The following DOCK1 variants were observed in gnomAD, a reference collection of about 807,000 sequenced individuals.
DOCK1 encodes dedicator of cytokinesis protein 1.
DOCK1 carries 138 observed loss-of-function variants against 262.7 expected under a neutral mutation model. That is an observed-to-expected ratio of 0.53 (90% CI 0.46 to 0.61). DOCK1 has a LOEUF of 0.61. DOCK1 is among the 20% of genes least tolerant of loss of function. The probability of loss-of-function intolerance (pLI) is 0.00; values close to 1 mark genes in which losing one functional copy is unlikely to be tolerated. For missense variants in DOCK1, 1,908 were observed against 2,370.7 expected (o/e 0.80, Z 4.05); for synonymous variants, 866 against 867.4 (o/e 1.00, Z 0.03).
At chr10:127,421,964 C>T (rs1486627138) in intron 46 of DOCK1, among the ~76,000 whole-genome samples, 1 of 152,102 alleles carries the variant, frequency 6.6e-6, no homozygotes, top group Admixed American at 6.6e-5. Context: ...GCTCAAGTCC[C>T]TGCTTTCAAT....
At chr10:127,009,345 C>T (rs1329497994) in intron 11 of DOCK1, among the ~76,000 whole-genome samples, 1 of 152,066 alleles carries the variant, frequency 6.6e-6, no homozygotes, top group African/African-American at 2.4e-5. Context: ...TTTAAAGAGG[C>T]ACGGAAGCTG....
At chr10:127,023,113 T>C in intron 13 of DOCK1, 87 bp from the exon 14 acceptor site, 2 of 1,409,406 alleles carry the variant, frequency 1.4e-6, no homozygotes, top group Non-Finnish European at 1.9e-6. Flanking sequence ...TAATAATCTA[T>C]GAGGATAGGT....
At chr10:126,921,103 G>A (rs979157724) in intron 1 of DOCK1, among the ~76,000 whole-genome samples, 1 of 151,726 alleles carries the variant, frequency 6.6e-6, no homozygotes, top group Admixed American at 6.6e-5. Flanking sequence ...GGGAGGCTGA[G>A]GCAGGAGAAT....
At chr10:127,361,052 C>A (rs1218430554) in intron 32 of DOCK1, among the ~76,000 whole-genome samples, 1 of 142,580 alleles carries the variant, frequency 7.0e-6, no homozygotes, top group African/African-American at 2.6e-5. Context: ...TTTCTGAGTT[C>A]TTTAAAAATC....
In DOCK1 at chr10:127,175,327, C is replaced by T. The variant is rs368080041; in HGVS notation, c.2847+47563C>T. 9.9e-5 allele frequency: 160 copies of T among 1,613,976 alleles called. No individual in the cohort carries two copies. Among genetic ancestry groups the T allele is most frequent in the Non-Finnish European group, 1.2e-4 (147 of 1,180,030 alleles). Reference sequence around the variant, plus strand: ...ATCATCTGAAGTTGTGCTTTGAGGTCGACCACTTCCGTATGAGGCACGATT... The same window carrying T: ...ATCATCTGAAGTTGTGCTTTGAGGTTGACCACTTCCGTATGAGGCACGATT... On this transcript the variant is annotated intron_variant, in intron 27 of 51. Coordinates refer to ENST00000623213, the MANE Select transcript of DOCK1 (RefSeq NM_001290223.2). This position sits in a 1 kb window ranked among gnomAD's most constrained non-coding sequence, Gnocchi z 6.3.
In DOCK1 at chr10:127,403,545, G is replaced by C. The variant is rs986612896; in HGVS notation, c.4017+401G>C. On this transcript the variant is annotated intron_variant, in intron 39 of 51. Coordinates refer to ENST00000623213, the MANE Select transcript of DOCK1 (RefSeq NM_001290223.2). Reference sequence around the variant, plus strand: ...GAGGCTAAGGCAGGCGGATCACGAGGTCAGGAGATCAAGACCATCCTGGCT... The same window carrying C: ...GAGGCTAAGGCAGGCGGATCACGAGCTCAGGAGATCAAGACCATCCTGGCT... 1.6e-4 allele frequency among the ~76,000 whole-genome samples: 25 copies of C among 152,290 alleles called. 3 individuals carry two copies. Among genetic ancestry groups the C allele is most frequent in the Admixed American group, 1.6e-3 (24 of 15,302 alleles).
intron 10 of DOCK1, chr10:127,000,527 T>G: frequency 1.6e-6 from 1 of 627,132 alleles, no homozygotes; most frequent in Non-Finnish European, 2.5e-6. Context: ...AAATCATATA[T>G]TTGGTTTTAA....
At chr10:127,144,620 CTATT>C in intron 27 of DOCK1, among the ~76,000 whole-genome samples, 1 of 152,172 alleles carries the variant, frequency 6.6e-6, no homozygotes, top group Admixed American at 6.5e-5. Context: ...TTGTATAATT[CTATT>C]TATTCTGTCT....
intron 27 of DOCK1, among the ~76,000 whole-genome samples, chr10:127,156,662 G>C (rs1329859809): frequency 2.8e-5 from 4 of 143,354 alleles, no homozygotes; most frequent in South Asian, 2.3e-4. Context: ...TCCGCCTCCT[G>C]GGTTCAAGCG....
At chr10:126,934,729 C>T (rs2034437457) in intron 1 of DOCK1, among the ~76,000 whole-genome samples, 1 of 146,852 alleles carries the variant, frequency 6.8e-6, no homozygotes, top group East Asian at 2.0e-4. Context: ...CTAGTCACAG[C>T]CTATTTGGAA....
chr10:127,330,786 GC>G (rs2062943133), intron 29 of DOCK1, among the ~76,000 whole-genome samples: 1 of 152,178 alleles, frequency 6.6e-6, no homozygotes, highest in African/African-American at 2.4e-5. Context: ...TAATCAATAA[GC>G]TATAGAAGAA....
intron 22 of DOCK1, 25 bp downstream of exon 22, chr10:127,052,840 C>G (rs141312884): frequency 1.3e-6 from 2 of 1,593,494 alleles, no homozygotes; most frequent in Non-Finnish European, 1.7e-6. Flanking sequence ...CCTCCATGCC[C>G]GGGCTCTCAG....
At chr10:126,950,250 G>C (rs1169131578) in intron 1 of DOCK1, among the ~76,000 whole-genome samples, 1 of 152,030 alleles carries the variant, frequency 6.6e-6, no homozygotes, top group Non-Finnish European at 1.5e-5. Flanking sequence ...ATTCGAGTTC[G>C]CCACAGCTTA....
At position 127,446,364 on chromosome 10, in the gene DOCK1, A is replaced by G. The variant is rs958670305; in HGVS notation, c.5414-1030A>G. Among the ~76,000 whole-genome samples the G allele has an allele frequency of 6.6e-6, 1 of 152,160 alleles. No homozygotes were observed. The highest frequency in any genetic ancestry group is 1.5e-5 in the Non-Finnish European group (1 of 68,028). ...CAGAATTCCGTTTGGGGTGATGGAA[A>G]TGTTTCAGAAATACATCATGGTGAT... On this transcript the variant is annotated intron_variant, in intron 50 of 51. Transcript: ENST00000623213. This position sits in a 1 kb window ranked among gnomAD's most constrained non-coding sequence, Gnocchi z 4.4.
intron 31 of DOCK1, among the ~76,000 whole-genome samples, chr10:127,350,704 T>C (rs1198020301): frequency 6.6e-6 from 1 of 152,186 alleles, no homozygotes; most frequent in African/African-American, 2.4e-5. Context: ...TTGTCTGTTC[T>C]CCATATCATA....
In DOCK1 at chr10:126,990,612, A is replaced by G; in HGVS notation, c.473+9A>G. On this transcript the variant is annotated intron_variant, in intron 6 of 51. Coordinates refer to ENST00000623213, the MANE Select transcript of DOCK1 (RefSeq NM_001290223.2). Reference sequence around the variant, plus strand: ...ATTGATTATGGAAACAGGTTTGTTTATTTGAAAGATGATTTTACGCTTAAA... The same window carrying G: ...ATTGATTATGGAAACAGGTTTGTTTGTTTGAAAGATGATTTTACGCTTAAA... 1 of 1,612,418 alleles carries G rather than the reference A, an allele frequency of 6.2e-7. No individual in the cohort carries two copies. The highest frequency in any genetic ancestry group is 1.1e-5 in the South Asian group (1 of 90,696).
intron 1 of DOCK1, among the ~76,000 whole-genome samples, chr10:126,905,878 C>A (rs1158616959): frequency 6.6e-6 from 1 of 152,034 alleles, no homozygotes; most frequent in Non-Finnish European, 1.5e-5. Flanking sequence ...GTGGAGCCCC[C>A]CGGGCTACCC....
chr10:127,051,498 C>T (rs2044719013), intron 21 of DOCK1, among the ~76,000 whole-genome samples: 1 of 152,134 alleles, frequency 6.6e-6, no homozygotes, highest in Non-Finnish European at 1.5e-5. Flanking sequence ...GTCTGAGATG[C>T]TTTCCAATAA....
chr10:127,053,146 A>C (rs1591821866), intron 22 of DOCK1, among the ~76,000 whole-genome samples: 1 of 152,308 alleles, frequency 6.6e-6, no homozygotes. Context: ...CCTTTTCAGG[A>C]TATCTTTATA....
Sources: allele counts gnomAD v4.1 joint callset (sites outside exome capture counted in the v4.1 genomes callset), GRCh38; gene constraint gnomAD v4.1.1; non-coding constraint Gnocchi (gnomAD v3.1); transcripts MANE v1.5; gene names NCBI Gene and HGNC (gene_info 2026-07-23, HGNC 2026-07-21).